XG: variants seen among roughly 807,000 people sequenced by gnomAD.
XG encodes Xg glycoprotein (Xg blood group), also known as glycoprotein Xg.
Under a neutral mutation model 25.7 loss-of-function variants are expected in XG, and 24 were observed. The observed-to-expected ratio is 0.93, with a 90% CI of 0.68 to 1.31. The LOEUF (loss-of-function observed/expected upper bound fraction) is 1.31, where lower values mean the gene tolerates loss of function less well. XG is among the 40% of genes most tolerant of loss of function. The probability of loss-of-function intolerance (pLI) is 0.00; values close to 1 mark genes in which losing one functional copy is unlikely to be tolerated. For synonymous variants in XG, 77 were observed against 69.2 expected (o/e 1.11, Z -0.56); for missense variants, 181 against 187.6 (o/e 0.96, Z 0.21).
chrX:2,763,510 C>T (rs311126), intron 1 of XG, among the ~76,000 whole-genome samples: 2 of 150,288 alleles, frequency 1.3e-5, no homozygotes, highest in Admixed American at 6.6e-5. Flanking sequence ...GGTGAGGGGA[C>T]GTGCTGGAGG....
intron 3 of XG, 56 bp from the exon 4 acceptor site, chrX:2,782,010 C>G (rs2086733392): frequency 1.1e-5 from 13 of 1,137,615 alleles, no homozygotes; most frequent in South Asian, 1.8e-5. Context: ...CTGCAGCCTG[C>G]TCCTAAGGGA....
intron 5 of XG, among the ~76,000 whole-genome samples, chrX:2,791,074 G>A (rs1204090281): frequency 9.1e-6 from 1 of 109,379 alleles, no homozygotes; most frequent in African/African-American, 3.3e-5. Context: ...TTTTTTGTTG[G>A]TCTGTGTTCT....
At chrX:2,770,066 G>A (rs2050783764) in intron 1 of XG, among the ~76,000 whole-genome samples, 1 of 151,764 alleles carries the variant, frequency 6.6e-6, no homozygotes, top group African/African-American at 2.4e-5. Context: ...GTCCTAAGCT[G>A]TGAGTGGGAC....
chrX:2,785,003 A>G (rs1283293631), intron 4 of XG, among the ~76,000 whole-genome samples: 2 of 112,395 alleles, frequency 1.8e-5, no homozygotes. Context: ...AGTTGTCAGG[A>G]CACAGCTTGG....
rs1166530711 is a variant in XG, at chrX:2,816,232, A to G, written c.*1852A>G. The G allele has an allele frequency of 8.9e-6, 1 of 112,306 alleles. No individual in the cohort carries two copies. Among genetic ancestry groups the G allele is most frequent in the African/African-American group, 3.2e-5 (1 of 30,906 alleles). 9.3% of individuals were successfully genotyped at this position (112,306 alleles called of 1,213,427 possible). A position where few individuals can be genotyped will look rare whatever the true frequency, so the allele number is the denominator to read the frequency against. ...ACCACCTGCTGGGCATTCTGTTTTC[A>G]TGCTGAGAAGGTGAGAATTGAACAG... is the stretch of plus-strand genomic sequence containing the variant. On this transcript the variant is annotated 3_prime_UTR_variant, in exon 11 of 11. Transcript: ENST00000644266.
At chrX:2,796,397 T>A (rs1273447195) in intron 6 of XG, among the ~76,000 whole-genome samples, 1 of 109,898 alleles carries the variant, frequency 9.1e-6, no homozygotes, top group Non-Finnish European at 1.9e-5. Flanking sequence ...TACCTTTACA[T>A]ATGTATGCAT....
intron 10 of XG, 133 bp downstream of exon 10, chrX:2,811,585 A>AT (rs2087057296): frequency 6.7e-6 from 3 of 450,025 alleles, no homozygotes; most frequent in South Asian, 1.0e-4. Flanking sequence ...TAATAATGTG[A>AT]TTTTTTAAAA....
At chrX:2,775,929 C>G (rs2050972547) in intron 3 of XG, among the ~76,000 whole-genome samples, 2 of 144,864 alleles carry the variant, frequency 1.4e-5, no homozygotes, top group Non-Finnish European at 3.0e-5. Context: ...GCACTCCAAC[C>G]TGGGTGACAG....
chrX:2,806,353 T>A (rs1449840684), intron 7 of XG, among the ~76,000 whole-genome samples: 2 of 111,764 alleles, frequency 1.8e-5, no homozygotes, highest in Admixed American at 1.9e-4. Flanking sequence ...TTTTTTAAAA[T>A]TTTAAATAAA....
intron 7 of XG, among the ~76,000 whole-genome samples, chrX:2,805,709 G>A (rs1286960282): frequency 1.8e-5 from 2 of 111,853 alleles, no homozygotes; most frequent in African/African-American, 3.3e-5. Flanking sequence ...TCACAGGGTC[G>A]TCCCTCTGTG....
intron 1 of XG, 34 bp from the exon 2 acceptor site, chrX:2,770,516 A>G (rs2050794517): frequency 1.2e-6 from 2 of 1,613,722 alleles, no homozygotes; most frequent in Non-Finnish European, 1.7e-6. Flanking sequence ...CCTTTCCATC[A>G]TGGGGTGACT....
rs1485550409 is a variant in XG, at chrX:2,811,316, C to A, written c.455-20C>A. The A allele has an allele frequency of 5.1e-5, 59 of 1,167,881 alleles. No homozygotes were observed. The highest frequency in any genetic ancestry group is 6.8e-5 in the Non-Finnish European group (59 of 864,233). ...CATGTTTTTTTCTCGGATGAGCTTG[C>A]TTTTTCTCCACTCCTGCAGGCAATA... On this transcript the variant is annotated intron_variant, in intron 9 of 10. Transcript: ENST00000644266.
chrX:2,815,381 G>A lies in XG; in HGVS notation c.*1001G>A, dbSNP rs1478273353. On this transcript the variant is annotated 3_prime_UTR_variant, in exon 11 of 11. Transcript: ENST00000644266. ...AATGTTCATATAACATTTAGACTTT[G>A]CCATAAATATCAGAACCAAAGATCA... is the stretch of plus-strand genomic sequence containing the variant. 1 of 111,686 alleles carries A rather than the reference G, an allele frequency of 9.0e-6. No individual in the cohort carries two copies. The highest frequency in any genetic ancestry group is 3.3e-5 in the African/African-American group (1 of 30,765). 9.2% of individuals were successfully genotyped at this position (111,686 alleles called of 1,213,427 possible).
At position 2,782,100 on chromosome X, in the gene XG, A is replaced by G. The variant is rs776533581; in HGVS notation, c.162A>G (p.Pro54=). The G allele has an allele frequency of 6.6e-6, 8 of 1,211,713 alleles. No individual in the cohort carries two copies. The highest frequency in any genetic ancestry group is 8.9e-6 in the Non-Finnish European group (8 of 895,378). ...IYPKPKPPYY[P]QPENPDSGGN... is the part of the protein sequence containing the mutation. ...CAAAGCCAAAACCACCTTACTACCC[A>G]CAGCCCGAGAATCCCGACAGCGGTG... The change falls in exon 4 of 11, where the codon CCA becomes CCG. Residue 54 remains proline, a synonymous_variant. Transcript: ENST00000644266.
At chrX:2,764,750 T>G (rs1205506486) in intron 1 of XG, among the ~76,000 whole-genome samples, 1 of 151,652 alleles carries the variant, frequency 6.6e-6, no homozygotes, top group African/African-American at 2.4e-5. Flanking sequence ...TGTAAAGAAA[T>G]AAAAAATAGG....
chrX:2,807,002 G>C (rs1008778783), intron 8 of XG, among the ~76,000 whole-genome samples: 3 of 112,561 alleles, frequency 2.7e-5, no homozygotes, highest in African/African-American at 9.8e-5. Flanking sequence ...GCACGTGTGT[G>C]TGTATACATA....
rs1444303367 is a variant in XG, at chrX:2,815,611, A to G, written c.*1231A>G. On this transcript the variant is annotated 3_prime_UTR_variant, in exon 11 of 11. Coordinates refer to ENST00000644266, the MANE Select transcript of XG (RefSeq NM_001141919.2). Reference sequence around the variant, plus strand: ...AGTTGCGGGTCTCAAATGTGGATTCATGCATCATTTGTGCAGTTTGAAGAT... The same window carrying G: ...AGTTGCGGGTCTCAAATGTGGATTCGTGCATCATTTGTGCAGTTTGAAGAT... 9.0e-6 allele frequency: 1 copy of G among 110,943 alleles called. No individual in the cohort carries two copies. Among genetic ancestry groups the G allele is most frequent in the Non-Finnish European group, 1.9e-5 (1 of 52,924 alleles). 9.1% of individuals were successfully genotyped at this position (110,943 alleles called of 1,213,427 possible).
rs186024254 is a variant in XG at position 2,765,156 on chromosome X, G to A, written c.62-5394G>A. ...AGGTCAGGAGTTTGAGACCAGCCTGGCCAACATGGTGAAACCCCATCTCTA... is the reference window on the plus strand; with the variant it reads ...AGGTCAGGAGTTTGAGACCAGCCTGACCAACATGGTGAAACCCCATCTCTA... On this transcript the variant is annotated intron_variant, in intron 1 of 10. Transcript: ENST00000644266. Among the ~76,000 whole-genome samples, 633 of 151,896 alleles carry A rather than the reference G, an allele frequency of 4.2e-3. 3 individuals are homozygous for A. Among genetic ancestry groups the A allele is most frequent in the Admixed American group, 0.011 (171 of 15,236 alleles).
chrX:2,767,911 TGA>T (rs1353027924), intron 1 of XG, among the ~76,000 whole-genome samples: 1 of 152,102 alleles, frequency 6.6e-6, no homozygotes, highest in Non-Finnish European at 1.5e-5. Flanking sequence ...GTGCAACCCC[TGA>T]AACCAAGCAA....
Sources: gnomAD v4.1 joint callset for allele counts (sites outside exome capture counted in the v4.1 genomes callset) on GRCh38, gnomAD v4.1.1 for gene constraint, MANE v1.5 for transcripts, NCBI Gene and HGNC (gene_info 2026-07-23, HGNC 2026-07-21) for gene names.